The following ANKMY1 variants were observed in gnomAD, a reference collection of about 807,000 sequenced individuals.
The protein encoded by ANKMY1 is ankyrin repeat and MYND domain containing 1, also known as ankyrin repeat and MYND domain-containing protein 1.
ANKMY1 carries 98 observed loss-of-function variants against 102.0 expected under a neutral mutation model. The observed-to-expected ratio is 0.96, with a 90% CI of 0.82 to 1.14. ANKMY1 has a LOEUF of 1.14. Among genes scored for constraint, ANKMY1 ranks in the 50% most tolerant of loss-of-function variants. The pLI is 0.00. For missense variants in ANKMY1, 1,330 were observed against 1,347.6 expected (o/e 0.99, Z 0.20); for synonymous variants, 582 against 559.9 (o/e 1.04, Z -0.56).
chr2:240,496,479 A>T (rs1429901351), intron 15 of ANKMY1, among the ~76,000 whole-genome samples: 1 of 151,554 alleles, frequency 6.6e-6, no homozygotes, highest in Non-Finnish European at 1.5e-5. Flanking sequence ...TTTCTCTCTT[A>T]GTCTCCCACT....
the ANKMY1 span, among the ~76,000 whole-genome samples, chr2:240,472,020 C>T: frequency 6.6e-6 from 1 of 152,194 alleles, no homozygotes; most frequent in African/African-American, 2.4e-5. Flanking sequence ...GCTCCAACCC[C>T]TCAGCTGCAG....
At chr2:240,469,316 C>A in the ANKMY1 span, among the ~76,000 whole-genome samples, 8 of 152,200 alleles carry the variant, frequency 5.3e-5, no homozygotes, top group African/African-American at 1.7e-4. Flanking sequence ...TGGTCTCAGC[C>A]CTGCCTTCCC....
Position 240,525,862 on chromosome 2 carries a change from G to A in ANKMY1, c.1171-13C>T, listed in dbSNP as rs1471245316. 5.6e-6 allele frequency: 9 copies of A among 1,612,904 alleles called. No homozygotes were observed. The highest frequency in any genetic ancestry group is 7.6e-6 in the Non-Finnish European group (9 of 1,179,496). ...TGTGGCAGTGAGTCTGGAGGGAGAT[G>A]AGGCAGGACTCAGGATGATGCACCT... On this transcript the variant is annotated splice_polypyrimidine_tract_variant and intron_variant, in intron 6 of 17. Coordinates refer to ENST00000401804, the MANE Select transcript of ANKMY1 (RefSeq NM_001282771.3).
intron 9 of ANKMY1, among the ~76,000 whole-genome samples, chr2:240,514,028 G>A (rs976976406): frequency 5.3e-5 from 8 of 152,216 alleles, no homozygotes; most frequent in Non-Finnish European, 1.2e-4. Flanking sequence ...CCACCAGGAG[G>A]CGCACGGGGC....
rs141200964 is a variant in ANKMY1 at position 240,494,848 on chromosome 2, G to A, written c.2806+5110C>T. Among the ~76,000 whole-genome samples, 404 of 152,196 alleles carry A rather than the reference G, an allele frequency of 2.7e-3. 5 individuals carry two copies. Among genetic ancestry groups the A allele is most frequent in the East Asian group, 2.3e-3 (12 of 5,180 alleles). On this transcript the variant is annotated intron_variant, in intron 15 of 17. Transcript: ENST00000401804. The stretch of plus-strand genomic sequence containing the variant: ...GTGGGTGGCAAGCCACCCAGGTGCC[G>A]AGGCAAGAGACAGAGGGCACAAGCT...
chr2:240,551,727 T>A (rs1337565126), intron 4 of ANKMY1, among the ~76,000 whole-genome samples: 1 of 152,184 alleles, frequency 6.6e-6, no homozygotes, highest in African/African-American at 2.4e-5. Flanking sequence ...CTCCTCAGCA[T>A]GGAGCAGCCA....
At chr2:240,469,566 T>C in the ANKMY1 span, among the ~76,000 whole-genome samples, 1 of 152,180 alleles carries the variant, frequency 6.6e-6, no homozygotes, top group Non-Finnish European at 1.5e-5. Context: ...CCCCAGCGTC[T>C]CCCACACCAT....
At chr2:240,549,046 C>T (rs1419086556) in intron 4 of ANKMY1, among the ~76,000 whole-genome samples, 22 of 151,464 alleles carry the variant, frequency 1.5e-4, no homozygotes, top group Middle Eastern at 3.4e-3. Flanking sequence ...AAAAAGAGCC[C>T]GCATCGCCAA....
rs185847172 is a variant in ANKMY1, at chr2:240,553,231, G to C, written c.337-174C>G. The C allele has an allele frequency of 8.2e-4, 580 of 709,354 alleles. 2 individuals are homozygous for C. The African/African-American group carries it at 9.5e-3, about 12-fold the overall frequency. The allele number at this position is 709,354 out of a possible 1,614,324, so 43.9% of individuals were successfully genotyped here. Reference sequence around the variant, plus strand: ...AGAGTCGGCAACTGAAGCACCCAGAGGGGTTACCAGGCAGTCAGCCTGATA... The same window carrying C: ...AGAGTCGGCAACTGAAGCACCCAGACGGGTTACCAGGCAGTCAGCCTGATA... On this transcript the variant is annotated intron_variant, in intron 3 of 17. Coordinates refer to ENST00000401804, the MANE Select transcript of ANKMY1 (RefSeq NM_001282771.3).
At chr2:240,544,120 G>A (rs931729251) in intron 4 of ANKMY1, among the ~76,000 whole-genome samples, 1 of 152,176 alleles carries the variant, frequency 6.6e-6, no homozygotes, top group Admixed American at 6.5e-5. Flanking sequence ...AAAGGAACCA[G>A]TAAGTAGGGG....
chr2:240,546,671 C>T (rs1388435783), intron 4 of ANKMY1, among the ~76,000 whole-genome samples: 2 of 151,962 alleles, frequency 1.3e-5, no homozygotes, highest in East Asian at 3.9e-4. Flanking sequence ...GGAAGATCTA[C>T]CAAGCAAATG....
chr2:240,473,332 A>G, the ANKMY1 span, among the ~76,000 whole-genome samples: 17 of 151,842 alleles, frequency 1.1e-4, no homozygotes, highest in Admixed American at 9.2e-4. Flanking sequence ...AATGGAAACC[A>G]TAAAAAAGAA....
Position 240,554,994 on chromosome 2 carries a change from C to T in ANKMY1, c.208G>A (p.Asp70Asn), listed in dbSNP as rs778127123. ...EEAEGPLRAQ[D>N]LRESYIQLVQ... Reference sequence around the variant, plus strand: ...AGCTGGATGTAGGACTCCCTCAGGTCCTGCGCCCTCAGCGGGCCCTCAGCT... The same window carrying T: ...AGCTGGATGTAGGACTCCCTCAGGTTCTGCGCCCTCAGCGGGCCCTCAGCT... Residue 70 changes from aspartate to asparagine, a missense_variant, in exon 3 of 18, where the codon GAC becomes AAC. Transcript: ENST00000401804. 2 of 1,614,214 alleles carry T rather than the reference C, an allele frequency of 1.2e-6. No homozygotes were observed. Among genetic ancestry groups the T allele is most frequent in the Middle Eastern group, 1.6e-4 (1 of 6,062 alleles).
chr2:240,481,782 G>A (rs1473548702), intron 16 of ANKMY1, among the ~76,000 whole-genome samples: 1 of 152,164 alleles, frequency 6.6e-6, no homozygotes, highest in Non-Finnish European at 1.5e-5. Context: ...AGGTGTGCAG[G>A]CTCTGCCGCA....
At chr2:240,515,749 A>G (rs1272783720) in intron 9 of ANKMY1, among the ~76,000 whole-genome samples, 1 of 152,040 alleles carries the variant, frequency 6.6e-6, no homozygotes, top group Non-Finnish European at 1.5e-5. Flanking sequence ...ACTTAGTCTC[A>G]CACCATTGCC....
At position 240,529,864 on chromosome 2, in the gene ANKMY1, G is replaced by A. The variant is rs1319252290; in HGVS notation, c.481-355C>T. Among the ~76,000 whole-genome samples the A allele has an allele frequency of 6.6e-6, 1 of 152,150 alleles. No homozygotes were observed. The highest frequency in any genetic ancestry group is 1.9e-4 in the East Asian group (1 of 5,170). On this transcript the variant is annotated intron_variant, in intron 4 of 17. Transcript: ENST00000401804. This position sits in a 1 kb window ranked among gnomAD's most constrained non-coding sequence, Gnocchi z 4.2. ...GGAACCCAGCCCAAACACCCCAACA[G>A]GCTGGGGCAGCAGTGGGTGGGGAGG...
At chr2:240,523,615 C>G in intron 8 of ANKMY1, 1 of 543,500 alleles carries the variant, frequency 1.8e-6, no homozygotes. Context: ...TGCCAAAGGC[C>G]AAAGCAGGGC....
intron 5 of ANKMY1, chr2:240,526,978 C>T: frequency 9.8e-7 from 1 of 1,015,654 alleles, no homozygotes; most frequent in Non-Finnish European, 1.2e-6. Flanking sequence ...GCTTCTGTAC[C>T]TAACAGTCTT....
intron 15 of ANKMY1, among the ~76,000 whole-genome samples, chr2:240,492,783 C>G (rs577598198): frequency 1.3e-5 from 2 of 152,100 alleles, no homozygotes; most frequent in East Asian, 1.9e-4. Flanking sequence ...CTCCGCCTCC[C>G]GGGTTCAAGC....
Sources: gnomAD v4.1 joint callset for allele counts (sites outside exome capture counted in the v4.1 genomes callset) on GRCh38, gnomAD v4.1.1 for gene constraint, Gnocchi (gnomAD v3.1) non-coding constraint, MANE v1.5 for transcripts, NCBI Gene and HGNC (gene_info 2026-07-23, HGNC 2026-07-21) for gene names.